The following FAM186A variants were observed in gnomAD, a reference collection of about 807,000 sequenced individuals.
FAM186A encodes the protein protein FAM186A.
Under a neutral mutation model 216.8 loss-of-function variants are expected in FAM186A, and 163 were observed. The observed-to-expected ratio is 0.75, with a 90% CI of 0.66 to 0.86. The LOEUF is 0.86. Among genes scored for constraint, FAM186A ranks in the 40% least tolerant of loss-of-function variants. The pLI, the probability that FAM186A is intolerant of heterozygous loss-of-function variation, is 0.00. For synonymous variants in FAM186A, 805 were observed against 1,025.3 expected (o/e 0.79, Z 4.10); for missense variants, 2,184 against 2,746.2 (o/e 0.80, Z 4.58).
At chr12:50,342,938 A>AT (rs66491621) in intron 4 of FAM186A, among the ~76,000 whole-genome samples, 1 of 141,226 alleles carries the variant, frequency 7.1e-6, no homozygotes, top group Non-Finnish European at 1.5e-5. Context: ...AGACTAGATA[A>AT]TTTTTTTTTT....
Position 50,350,369 on chromosome 12 carries a change from A to G in FAM186A, c.6463T>C (p.Phe2155Leu). Residue 2155 changes from phenylalanine to leucine, a missense_variant, in exon 4 of 8, where the codon TTC becomes CTC. By Grantham distance (22) the Phe-to-Leu change is conservative. Transcript: ENST00000327337. ...AGCCTATAGGCAATGTACTTGCGGAATAAGTATCCCAACTGAACTGTGTCC... is the reference window on the plus strand; with the variant it reads ...AGCCTATAGGCAATGTACTTGCGGAGTAAGTATCCCAACTGAACTGTGTCC... ...HMDTVQLGYL[F>L]RKYIAYRLIQ... is the part of the protein sequence containing the mutation. The G allele has an allele frequency of 1.3e-6, 2 of 1,550,986 alleles. No homozygotes were observed. The highest frequency in any genetic ancestry group is 1.7e-6 in the Non-Finnish European group (2 of 1,146,748).
chr12:50,341,790 G>A (rs562134858), intron 4 of FAM186A, among the ~76,000 whole-genome samples: 11 of 151,912 alleles, frequency 7.2e-5, no homozygotes, highest in South Asian at 4.2e-4. Context: ...AGCTGAGATC[G>A]TGCCCCTGCA....
chr12:50,344,711 A>G (rs1222200133), intron 4 of FAM186A, among the ~76,000 whole-genome samples: 1 of 152,208 alleles, frequency 6.6e-6, no homozygotes, highest in Non-Finnish European at 1.5e-5. Context: ...TCAGGCCTGT[A>G]ATCCCAACAT....
At chr12:50,341,841 A>C (rs1246402732) in intron 4 of FAM186A, among the ~76,000 whole-genome samples, 1 of 152,076 alleles carries the variant, frequency 6.6e-6, no homozygotes, top group East Asian at 1.9e-4. Context: ...TCTCAAAAAA[A>C]AAGATAAAAT....
rs185783054 is a variant in FAM186A, at chr12:50,331,308, C to G, written c.6848+362G>C. Among the ~76,000 whole-genome samples, 3 of 152,244 alleles carry G rather than the reference C, an allele frequency of 2.0e-5. No individual in the cohort carries two copies. The East Asian group carries it at 5.8e-4, about 29-fold the overall frequency. On this transcript the variant is annotated intron_variant, in intron 6 of 7. Transcript: ENST00000327337. ...AGGCTGGAGTGCAATGGCACGATCT[C>G]GGCTCACCGCAACCTCTGCCACCCA...
At position 50,351,193 on chromosome 12, in the gene FAM186A, G is replaced by GT; in HGVS notation, c.5638dup (p.Thr1880AsnfsTer4). 1 of 1,551,644 alleles carries GT rather than the reference G, an allele frequency of 6.4e-7. No individual in the cohort carries two copies. Among genetic ancestry groups the GT allele is most frequent in the South Asian group, 1.2e-5 (1 of 84,054 alleles). ...GAATTCCTGGAGCTGCTCAGAGAAG[G>GT]TTAAGGGTCCAGATTCCAGGAGGTC... On this transcript the variant is annotated frameshift_variant, in exon 4 of 8. Transcript: ENST00000327337. LOFTEE classifies it high-confidence loss of function.
At chr12:50,330,349 T>C (rs929633004) in intron 7 of FAM186A, among the ~76,000 whole-genome samples, 1 of 152,170 alleles carries the variant, frequency 6.6e-6, no homozygotes, top group Non-Finnish European at 1.5e-5. Context: ...TTTTTGTTTG[T>C]TTTACATTAT....
At chr12:50,334,384 C>T (rs1401530369) in intron 4 of FAM186A, among the ~76,000 whole-genome samples, 1 of 151,566 alleles carries the variant, frequency 6.6e-6, no homozygotes, top group Non-Finnish European at 1.5e-5. Flanking sequence ...GTTGGTCAGG[C>T]TGGTCTCAAA....
At chr12:50,378,573 T>TATATATATAC (rs1251811819) in intron 1 of FAM186A, among the ~76,000 whole-genome samples, 4 of 12,090 alleles carry the variant, frequency 3.3e-4, no homozygotes, top group African/African-American at 3.8e-4. Context: ...TATATATATA[T>TATATATATAC]ACACATATGT....
chr12:50,360,243 C>CA lies in FAM186A; in HGVS notation c.583+512dup, dbSNP rs59070341. 2.3e-3 allele frequency among the ~76,000 whole-genome samples: 309 copies of CA among 132,138 alleles called. 2 individuals are homozygous for CA. Among genetic ancestry groups the CA allele is most frequent in the African/African-American group, 8.2e-3 (292 of 35,584 alleles). 86.7% of individuals were successfully genotyped at this position (132,138 alleles called of 152,430 possible). A position where few individuals can be genotyped will look rare whatever the true frequency, so the allele number is the denominator to read the frequency against. On this transcript the variant is annotated intron_variant, in intron 3 of 7. Coordinates refer to ENST00000327337, the MANE Select transcript of FAM186A (RefSeq NM_001145475.3). ...TGGGTAACAGTGTGATACCCTGTCTCAAAAAAAAAAAAAAAAAATTAATAA... is the reference window on the plus strand; with the variant it reads ...TGGGTAACAGTGTGATACCCTGTCTCAAAAAAAAAAAAAAAAAAATTAATAA...
intron 1 of FAM186A, among the ~76,000 whole-genome samples, chr12:50,386,494 G>A (rs542181518): frequency 3.3e-5 from 5 of 152,234 alleles, no homozygotes; most frequent in African/African-American, 7.2e-5. Flanking sequence ...GTTGGATCTA[G>A]CCATTCCGCA....
chr12:50,331,624 T>C, intron 6 of FAM186A, 46 bp downstream of exon 6: 1 of 1,507,964 alleles, frequency 6.6e-7, no homozygotes, highest in Non-Finnish European at 8.8e-7. Context: ...AAAAATTAGG[T>C]CCCACATATC....
At chr12:50,390,080 GA>G (rs1317031229) in intron 1 of FAM186A, among the ~76,000 whole-genome samples, 1 of 152,136 alleles carries the variant, frequency 6.6e-6, no homozygotes, top group Non-Finnish European at 1.5e-5. Flanking sequence ...TGGACCTTGT[GA>G]AATAACCACA....
At chr12:50,338,049 C>G (rs1286071891) in intron 4 of FAM186A, among the ~76,000 whole-genome samples, 1 of 152,108 alleles carries the variant, frequency 6.6e-6, no homozygotes, top group African/African-American at 2.4e-5. Flanking sequence ...ATCCCACTTA[C>G]GTTGATAAAA....
At chr12:50,380,279 T>C (rs564667172) in intron 1 of FAM186A, among the ~76,000 whole-genome samples, 10 of 152,182 alleles carry the variant, frequency 6.6e-5, no homozygotes, top group Non-Finnish European at 1.2e-4. Context: ...ATAAATGCAG[T>C]GCTACTTAAT....
chr12:50,379,974 AAGG>A (rs1943239634), intron 1 of FAM186A, among the ~76,000 whole-genome samples: 1 of 152,034 alleles, frequency 6.6e-6, no homozygotes, highest in South Asian at 2.1e-4. Context: ...GGAAAGAAAG[AAGG>A]AATGACAATA....
intron 1 of FAM186A, chr12:50,366,097 T>G: frequency 1.5e-6 from 1 of 675,340 alleles, no homozygotes; most frequent in South Asian, 1.6e-5. Context: ...TAAAGTAATC[T>G]TATATACGAG....
chr12:50,360,396 T>TC (rs1943021335), intron 3 of FAM186A, among the ~76,000 whole-genome samples: 1 of 151,152 alleles, frequency 6.6e-6, no homozygotes, highest in Admixed American at 6.6e-5. Context: ...AAGCTGTTTT[T>TC]TTTTTTGGCT....
Position 50,377,150 on chromosome 12 carries a change from G to C in FAM186A, c.193-13786C>G, listed in dbSNP as rs545913993. ...CATTTGGCAATTAGGTAGTAAAAAG[G>C]GGGAAAAAAGAACTACAATCATCAG... On this transcript the variant is annotated intron_variant, in intron 1 of 7. Transcript: ENST00000327337. Among the ~76,000 whole-genome samples, 10 of 152,176 alleles carry C rather than the reference G, an allele frequency of 6.6e-5. No individual in the cohort carries two copies. In the East Asian group the frequency reaches 1.9e-3, roughly 29 times the overall value.
Sources: allele counts gnomAD v4.1 joint callset (sites outside exome capture counted in the v4.1 genomes callset), GRCh38; gene constraint gnomAD v4.1.1; transcripts MANE v1.5; gene names NCBI Gene and HGNC (gene_info 2026-07-23, HGNC 2026-07-21).